Variants in DPYD observed in about 807,000 individuals in gnomAD.
The protein encoded by DPYD is dihydropyrimidine dehydrogenase [NADP(+)].
DPYD carries 109 observed loss-of-function variants against 116.2 expected under a neutral mutation model. That is an observed-to-expected ratio of 0.94 (90% confidence interval 0.80 to 1.10). DPYD has a LOEUF of 1.10. DPYD is among the 50% of genes least tolerant of loss of function. The probability of loss-of-function intolerance (pLI) is 0.00; values close to 1 mark genes in which losing one functional copy is unlikely to be tolerated. For missense variants in DPYD, 1,302 were observed against 1,254.5 expected (o/e 1.04, Z -0.57); for synonymous variants, 440 against 432.0 (o/e 1.02, Z -0.23).
At chr1:97,584,518 T>G (rs150034831) in intron 10 of DPYD, among the ~76,000 whole-genome samples, 2,970 of 152,224 alleles carry the variant, frequency 0.02, 82 homozygotes, top group South Asian at 0.043. Context: ...TGCCTAGGTC[T>G]TCTTCCAGGG....
At chr1:97,696,503 A>C (rs922887057) in intron 6 of DPYD, among the ~76,000 whole-genome samples, 2 of 152,182 alleles carry the variant, frequency 1.3e-5, no homozygotes, top group Non-Finnish European at 2.9e-5. Flanking sequence ...AGGAGATAAA[A>C]GGACAGAAGA....
intron 3 of DPYD, among the ~76,000 whole-genome samples, chr1:97,812,936 A>C (rs1668406931): frequency 6.6e-6 from 1 of 152,144 alleles, no homozygotes; most frequent in African/African-American, 2.4e-5. Context: ...CTGAAAGAAC[A>C]ATCAATTCTC....
At chr1:97,892,290 T>C (rs1224416796) in intron 1 of DPYD, among the ~76,000 whole-genome samples, 1 of 151,824 alleles carries the variant, frequency 6.6e-6, no homozygotes, top group Non-Finnish European at 1.5e-5. Flanking sequence ...CTAAGGCTGG[T>C]CAGTGGAGAA....
chr1:97,457,233 TGCCAAGGAAGGA>T (rs1169054085), intron 13 of DPYD, among the ~76,000 whole-genome samples: 8 of 152,140 alleles, frequency 5.3e-5, no homozygotes, highest in Non-Finnish European at 1.0e-4. Flanking sequence ...GTCTGCTATA[TGCCAAGGAAGGA>T]GTTTTACTCA....
chr1:97,642,888 AAAATT>A lies in DPYD; in HGVS notation c.850+36202_850+36206del, dbSNP rs536020709. ...CTAAAACTTGAAGTATAATAATAAT[AAAATT>A]AAATTAAATTAAATTAAATTAAATT... On this transcript the variant is annotated intron_variant, in intron 8 of 22. Coordinates refer to ENST00000370192, the MANE Select transcript of DPYD (RefSeq NM_000110.4). Among the ~76,000 whole-genome samples, 906 of 148,892 alleles carry A rather than the reference AAAATT, an allele frequency of 6.1e-3. 6 individuals carry two copies. Among genetic ancestry groups the A allele is most frequent in the African/African-American group, 0.019 (725 of 38,718 alleles).
At chr1:97,461,221 T>C (rs1677016293) in intron 13 of DPYD, among the ~76,000 whole-genome samples, 1 of 152,136 alleles carries the variant, frequency 6.6e-6, no homozygotes, top group Admixed American at 6.6e-5. Flanking sequence ...CTTCATTCTG[T>C]AGCTCAAAAT....
intron 14 of DPYD, among the ~76,000 whole-genome samples, chr1:97,405,229 G>A (rs1235829532): frequency 6.6e-6 from 1 of 151,922 alleles, no homozygotes; most frequent in Non-Finnish European, 1.5e-5. Context: ...GATCAATTAG[G>A]AGTAAGAAAA....
At chr1:97,478,441 C>T (rs1317053579) in intron 13 of DPYD, among the ~76,000 whole-genome samples, 1 of 152,140 alleles carries the variant, frequency 6.6e-6, no homozygotes, top group African/African-American at 2.4e-5. Context: ...CCATGCATCA[C>T]CATGCCCAGC....
At chr1:97,567,635 C>T (rs966681269) in intron 11 of DPYD, among the ~76,000 whole-genome samples, 1 of 152,128 alleles carries the variant, frequency 6.6e-6, no homozygotes, top group East Asian at 1.9e-4. Flanking sequence ...CATCTTCCTT[C>T]CCAAAACATG....
In DPYD at chr1:97,234,923, A is replaced by G. The variant is rs752909847; in HGVS notation, c.2371T>C (p.Leu791=). 2 of 1,614,148 alleles carry G rather than the reference A, an allele frequency of 1.2e-6. No individual in the cohort carries two copies. The highest frequency in any genetic ancestry group is 2.2e-5 in the South Asian group (2 of 91,082). ...IARALPGFPI[L]ATGGIDSAES... ...GCAGAGTCAATTCCACCAGTAGCCAAAATGGGAAATCCAGGCAGAGCACGA... is the reference window on the plus strand; with the variant it reads ...GCAGAGTCAATTCCACCAGTAGCCAGAATGGGAAATCCAGGCAGAGCACGA... The change falls in exon 19 of 23, where the codon TTG becomes CTG. Residue 791 remains leucine (L), a synonymous_variant. Coordinates refer to ENST00000370192, the MANE Select transcript of DPYD (RefSeq NM_000110.4).
chr1:97,799,678 C>T (rs1667754958), intron 3 of DPYD, among the ~76,000 whole-genome samples: 1 of 151,872 alleles, frequency 6.6e-6, no homozygotes, highest in Non-Finnish European at 1.5e-5. Flanking sequence ...TCTTAAAAAT[C>T]CATAACAAAA....
intron 7 of DPYD, among the ~76,000 whole-genome samples, chr1:97,690,855 C>T (rs1294546593): frequency 1.3e-5 from 2 of 151,954 alleles, no homozygotes; most frequent in Non-Finnish European, 2.9e-5. Context: ...TCAATTAAAA[C>T]GTAATTATAA....
chr1:97,814,630 C>T (rs1473796583), intron 3 of DPYD, among the ~76,000 whole-genome samples: 2 of 152,074 alleles, frequency 1.3e-5, no homozygotes, highest in Non-Finnish European at 2.9e-5. Flanking sequence ...GATGATGCTA[C>T]TGCCATTTAC....
At chr1:97,717,820 A>ATGTG (rs140667694) in intron 5 of DPYD, among the ~76,000 whole-genome samples, 3 of 150,300 alleles carry the variant, frequency 2.0e-5, no homozygotes, top group African/African-American at 4.9e-5. Context: ...GTGTGTGTGC[A>ATGTG]TGTGTGTGTG....
intron 14 of DPYD, among the ~76,000 whole-genome samples, chr1:97,426,445 A>C (rs770769401): frequency 2.0e-5 from 3 of 152,128 alleles, no homozygotes; most frequent in Non-Finnish European, 4.4e-5. Context: ...GAGGAAGAAG[A>C]GAAAGAAATG....
In DPYD at chr1:97,078,155, G is replaced by T. The variant is rs755469970; in HGVS notation, c.*821C>A. 1 of 152,094 alleles carries T rather than the reference G, an allele frequency of 6.6e-6. No homozygotes were observed. The highest frequency in any genetic ancestry group is 2.4e-5 in the African/African-American group (1 of 41,410). The allele number at this position is 152,094 out of a possible 1,614,324, so 9.4% of individuals were successfully genotyped here. On this transcript the variant is annotated 3_prime_UTR_variant, in exon 23 of 23. Coordinates refer to ENST00000370192, the MANE Select transcript of DPYD (RefSeq NM_000110.4). ...TTTGAGCTTTGTTCAAACATTAGTT[G>T]CTATAATCATGAAGGTGACTATTAA...
At chr1:97,455,497 C>G (rs1676633356) in intron 13 of DPYD, among the ~76,000 whole-genome samples, 1 of 151,772 alleles carries the variant, frequency 6.6e-6, no homozygotes, top group African/African-American at 2.4e-5. Context: ...TAATAAAATC[C>G]TACTGAGATA....
At chr1:97,739,156 G>T (rs1392502375) in intron 4 of DPYD, among the ~76,000 whole-genome samples, 1 of 151,946 alleles carries the variant, frequency 6.6e-6, no homozygotes, top group African/African-American at 2.4e-5. Flanking sequence ...TAAAAAATGT[G>T]ATTTTATAAA....
At chr1:97,676,240 T>C (rs1260952644) in intron 8 of DPYD, among the ~76,000 whole-genome samples, 1 of 152,156 alleles carries the variant, frequency 6.6e-6, no homozygotes, top group Admixed American at 6.5e-5. Flanking sequence ...ATTCTAGACG[T>C]TTGATGGGGA....
Sources: allele counts gnomAD v4.1 joint callset (sites outside exome capture counted in the v4.1 genomes callset), GRCh38; gene constraint gnomAD v4.1.1; transcripts MANE v1.5; gene names NCBI Gene and HGNC (gene_info 2026-07-23, HGNC 2026-07-21).